The following TCF21 variants were observed in gnomAD, a reference collection of about 807,000 sequenced individuals.
TCF21 encodes the protein transcription factor 21, also known as capsulin.
TCF21 carries 3 observed loss-of-function variants against 13.5 expected under a neutral mutation model. That is an observed-to-expected ratio of 0.22 (90% CI 0.10 to 0.57). The LOEUF is 0.57. TCF21 is among the 20% of genes least tolerant of loss of function. The pLI, the probability that TCF21 is intolerant of heterozygous loss-of-function variation, is 0.92. For missense variants in TCF21, 181 were observed against 238.4 expected, an observed-to-expected ratio of 0.76 and a Z score of 1.59; for synonymous variants, 92 against 101.7, an observed-to-expected ratio of 0.90 and a Z score of 0.57.
chr6:133,894,674 C>G (rs945982595), downstream of TCF21: 2 of 152,664 alleles, frequency 1.3e-5, no homozygotes, highest in African/African-American at 4.8e-5. Context: ...AAACTCCCAG[C>G]CTACCCTGCT....
At chr6:133,892,800 C>T (rs1305180453), downstream of TCF21, 1 of 152,256 alleles carries the variant, frequency 6.6e-6, no homozygotes, top group African/African-American at 2.4e-5. Flanking sequence ...AACCCGCATG[C>T]CTGCCTTTTG....
downstream of TCF21, chr6:133,892,975 C>G (rs892139263): frequency 1.3e-5 from 2 of 152,262 alleles, no homozygotes; most frequent in East Asian, 3.9e-4. Context: ...ACTGCCCCAG[C>G]GCAGCCCGCG....
Position 133,889,220 on chromosome 6 carries a change from G to A in TCF21, c.-178G>A, listed in dbSNP as rs1775161061. Reference sequence around the variant, plus strand: ...GGGTTCCTTCTCACAACTCTGCGAAGGGGAAAGGGTTGTGAGACCCAACCA... The same window carrying A: ...GGGTTCCTTCTCACAACTCTGCGAAAGGGAAAGGGTTGTGAGACCCAACCA... On this transcript the variant is annotated 5_prime_UTR_variant, in exon 1 of 2. Transcript: ENST00000367882. This position sits in a 1 kb window ranked among gnomAD's most constrained non-coding sequence, Gnocchi z 5.1. 2.8e-6 allele frequency: 2 copies of A among 719,114 alleles called. No individual in the cohort carries two copies. The highest frequency in any genetic ancestry group is 2.7e-5 in the East Asian group (1 of 37,576). 44.5% of individuals were successfully genotyped at this position (719,114 alleles called of 1,614,324 possible).
At chr6:133,890,332 A>G (rs544228161) in intron 1 of TCF21, among the ~76,000 whole-genome samples, 6 of 152,330 alleles carry the variant, frequency 3.9e-5, no homozygotes, top group Admixed American at 3.9e-4. Flanking sequence ...ATTTAGGACC[A>G]TTGGATAAGG....
chr6:133,889,275 G>A lies in TCF21; in HGVS notation c.-123G>A. Reference sequence around the variant, plus strand: ...CCAACTCCAGCTCCCAGCAGGAGGTGGCTGCGCCACACTCGGGAGGCCTCT... The same window carrying A: ...CCAACTCCAGCTCCCAGCAGGAGGTAGCTGCGCCACACTCGGGAGGCCTCT... On this transcript the variant is annotated 5_prime_UTR_variant, in exon 1 of 2. Transcript: ENST00000367882. This position sits in a 1 kb window ranked among gnomAD's most constrained non-coding sequence, Gnocchi z 5.1. 7.8e-7 allele frequency: 1 copy of A among 1,275,148 alleles called. No homozygotes were observed. Among genetic ancestry groups the A allele is most frequent in the Non-Finnish European group, 1.1e-6 (1 of 888,756 alleles). The allele number at this position is 1,275,148 out of a possible 1,614,324, so 79.0% of individuals were successfully genotyped here.
intron 1 of TCF21, 92 bp from the exon 2 acceptor site, chr6:133,891,621 C>CA: frequency 9.5e-6 from 12 of 1,267,984 alleles, no homozygotes; most frequent in Admixed American, 8.0e-5. Flanking sequence ...CGCCTGCCCC[C>CA]ACCGCCCCCC....
In TCF21 at chr6:133,891,975, G is replaced by A. The variant is rs781710416; in HGVS notation, c.*173G>A. 1.6e-5 allele frequency: 10 copies of A among 624,832 alleles called. No individual in the cohort carries two copies. Among genetic ancestry groups the A allele is most frequent in the Non-Finnish European group, 2.2e-5 (8 of 361,466 alleles). 38.7% of individuals were successfully genotyped at this position (624,832 alleles called of 1,614,324 possible). A position where few individuals can be genotyped will look rare whatever the true frequency, so the allele number is the denominator to read the frequency against. Reference sequence around the variant, plus strand: ...GAGGAGATTCGTTTCCAAACCAGAGGAGATCAATTGTACTTACAAAGATTC... The same window carrying A: ...GAGGAGATTCGTTTCCAAACCAGAGAAGATCAATTGTACTTACAAAGATTC... On this transcript the variant is annotated 3_prime_UTR_variant, in exon 2 of 2. Coordinates refer to ENST00000367882, the MANE Select transcript of TCF21 (RefSeq NM_003206.4).
In TCF21 at chr6:133,889,353, C is replaced by T. The variant is rs759145862; in HGVS notation, c.-45C>T. The T allele has an allele frequency of 7.5e-6, 12 of 1,594,748 alleles. No homozygotes were observed. The highest frequency in any genetic ancestry group is 6.7e-5 in the Admixed American group (4 of 59,336). ...TCACCCTCTTCCTCGCTTTCTCTGT[C>T]TCTCTGTCTCTCTCTCTCTCTCTCC... On this transcript the variant is annotated 5_prime_UTR_variant, in exon 1 of 2. Transcript: ENST00000367882. The surrounding 1 kb of genome is among the most constrained non-coding windows in gnomAD (Gnocchi z 5.1).
intron 1 of TCF21, among the ~76,000 whole-genome samples, chr6:133,890,603 A>C (rs559836046): frequency 1.3e-5 from 2 of 152,340 alleles, no homozygotes; most frequent in African/African-American, 4.8e-5. Flanking sequence ...ATAATCATTG[A>C]GTCTACTTTT....
At position 133,891,812 on chromosome 6, in the gene TCF21, T is replaced by A. The variant is rs1170269451; in HGVS notation, c.*10T>A. 1 of 1,613,132 alleles carries A rather than the reference T, an allele frequency of 6.2e-7. No individual in the cohort carries two copies. Among genetic ancestry groups the A allele is most frequent in the Non-Finnish European group, 8.5e-7 (1 of 1,179,490 alleles). On this transcript the variant is annotated 3_prime_UTR_variant, in exon 2 of 2. Transcript: ENST00000367882. ...AACCACCGCGTCCTGACCTTGGAGG[T>A]GCGAGTCTGGGAAAGGCGCGCTCCC...
chr6:133,891,813 G>T lies in TCF21; in HGVS notation c.*11G>T. Reference sequence around the variant, plus strand: ...ACCACCGCGTCCTGACCTTGGAGGTGCGAGTCTGGGAAAGGCGCGCTCCCG... The same window carrying T: ...ACCACCGCGTCCTGACCTTGGAGGTTCGAGTCTGGGAAAGGCGCGCTCCCG... On this transcript the variant is annotated 3_prime_UTR_variant, in exon 2 of 2. Transcript: ENST00000367882. 1 of 1,613,570 alleles carries T rather than the reference G, an allele frequency of 6.2e-7. No homozygotes were observed. Among genetic ancestry groups the T allele is most frequent in the Non-Finnish European group, 8.5e-7 (1 of 1,179,620 alleles).
At chr6:133,895,292 T>C (rs1307192950), downstream of TCF21, 6 of 152,238 alleles carry the variant, frequency 3.9e-5, no homozygotes, top group East Asian at 1.9e-4. Context: ...GGTGATGTCA[T>C]TGCTGCTGGT....
chr6:133,890,680 CT>C (rs1775200763), intron 1 of TCF21, among the ~76,000 whole-genome samples: 1 of 152,002 alleles, frequency 6.6e-6, no homozygotes, highest in African/African-American at 2.4e-5. Context: ...TATTTTAAAA[CT>C]TCTAAGATCT....
Position 133,892,187 on chromosome 6 carries a change from T to C in TCF21, c.*385T>C, listed in dbSNP as rs1775230384. ...CAGTCACATTTATAAAGTAATTCAC[T>C]TAAAGATATATATTTTTTTCAAACA... On this transcript the variant is annotated 3_prime_UTR_variant, in exon 2 of 2. Transcript: ENST00000367882. 1 of 155,522 alleles carries C rather than the reference T, an allele frequency of 6.4e-6. No homozygotes were observed. 9.6% of individuals were successfully genotyped at this position (155,522 alleles called of 1,614,324 possible). A position where few individuals can be genotyped will look rare whatever the true frequency, so the allele number is the denominator to read the frequency against.
downstream of TCF21, chr6:133,894,012 AGGCTCAG>A (rs1775263415): frequency 6.6e-6 from 1 of 152,170 alleles, no homozygotes; most frequent in Non-Finnish European, 1.5e-5. Context: ...AGGCTTAGTG[AGGCTCAG>A]ATGAGATTAT....
intron 1 of TCF21, 142 bp from the exon 2 acceptor site, chr6:133,891,571 C>T (rs1775217321): frequency 1.1e-6 from 1 of 894,950 alleles, no homozygotes; most frequent in Non-Finnish European, 1.8e-6. Context: ...GCGCTAGGAC[C>T]GGGAGTAAAT....
downstream of TCF21, chr6:133,893,396 C>A (rs1289785543): frequency 6.6e-6 from 1 of 152,298 alleles, no homozygotes; most frequent in East Asian, 1.9e-4. Context: ...ACTTCATCCA[C>A]CTGTCTATTT....
Position 133,891,894 on chromosome 6 carries a change from TC to T in TCF21, c.*97del. 7.4e-7 allele frequency: 1 copy of T among 1,342,828 alleles called. No individual in the cohort carries two copies. The highest frequency in any genetic ancestry group is 1.0e-6 in the Non-Finnish European group (1 of 962,256). 83.2% of individuals were successfully genotyped at this position (1,342,828 alleles called of 1,614,324 possible). On this transcript the variant is annotated 3_prime_UTR_variant, in exon 2 of 2. Coordinates refer to ENST00000367882, the MANE Select transcript of TCF21 (RefSeq NM_003206.4). ...GCCCTCAGTGCTCTCTGTCTCTGCT[TC>T]CCCCTCGCAATGCTCCTCTCTCTGT... is the stretch of plus-strand genomic sequence containing the variant.
chr6:133,893,348 C>A (rs1429214910), downstream of TCF21: 1 of 152,388 alleles, frequency 6.6e-6, no homozygotes, highest in Non-Finnish European at 1.5e-5. Flanking sequence ...CATTACCAAG[C>A]GCAATTCCCC....
Sources: gnomAD v4.1 joint callset for allele counts (sites outside exome capture counted in the v4.1 genomes callset) on GRCh38, gnomAD v4.1.1 for gene constraint, Gnocchi (gnomAD v3.1) non-coding constraint, MANE v1.5 for transcripts, NCBI Gene and HGNC (gene_info 2026-07-23, HGNC 2026-07-21) for gene names.